COL18A1: variants seen among roughly 807,000 people sequenced by gnomAD.
COL18A1 encodes collagen alpha-1(XVIII) chain.
A neutral mutation model predicts 168.0 loss-of-function variants in COL18A1; 133 were observed. The ratio of observed to expected loss-of-function variants is 0.79; its 90% CI spans 0.69 to 0.91. COL18A1 has a LOEUF of 0.91. Ranked by LOEUF, COL18A1 falls within the 40% of genes least tolerant of loss-of-function variation. The pLI is 0.00. For synonymous variants in COL18A1, 949 were observed against 809.0 expected, an observed-to-expected ratio of 1.17 and a Z score of -2.94; for missense variants, 2,126 against 1,925.4, an observed-to-expected ratio of 1.10 and a Z score of -1.95.
intron 9 of COL18A1, 109 bp downstream of exon 9, chr21:45,478,462 G>A: frequency 1.4e-6 from 2 of 1,435,818 alleles, no homozygotes; most frequent in South Asian, 2.3e-5. Flanking sequence ...TGAGGAGACT[G>A]TACAGCAAAA....
intron 34 of COL18A1, among the ~76,000 whole-genome samples, 168 bp from the exon 35 acceptor site, chr21:45,504,966 G>A (rs2037103095): frequency 6.6e-6 from 1 of 152,082 alleles, no homozygotes; most frequent in Admixed American, 6.5e-5. Flanking sequence ...AGGGAAGAAG[G>A]GGTGATGGTG....
intron 2 of COL18A1, among the ~76,000 whole-genome samples, chr21:45,458,046 A>G (rs1031185610): frequency 7.4e-6 from 1 of 135,044 alleles, no homozygotes; most frequent in African/African-American, 2.7e-5. Flanking sequence ...GGCAGGGACA[A>G]GTGCTGACAA....
intron 2 of COL18A1, among the ~76,000 whole-genome samples, chr21:45,419,225 C>T (rs1189401376): frequency 2.0e-5 from 3 of 151,178 alleles, no homozygotes; most frequent in Admixed American, 2.0e-4. Context: ...ACGTGCAGTT[C>T]CGTGTAGTGA....
At chr21:45,459,705 G>A (rs2034977664) in intron 2 of COL18A1, among the ~76,000 whole-genome samples, 1 of 152,182 alleles carries the variant, frequency 6.6e-6, no homozygotes, top group Admixed American at 6.5e-5. Context: ...GGAAGGGAGT[G>A]AGGCCCCCTC....
rs1012686112 is a variant in COL18A1 at position 45,480,289 on chromosome 21, G to A, written c.1398+133G>A. 2.2e-5 allele frequency: 27 copies of A among 1,234,426 alleles called. No individual in the cohort carries two copies. In the Admixed American group the frequency reaches 4.3e-4, roughly 20 times the overall value. The allele number at this position is 1,234,426 out of a possible 1,614,324, so 76.5% of individuals were successfully genotyped here. On this transcript the variant is annotated intron_variant, in intron 11 of 41. Transcript: ENST00000651438. ...TCTTGGCTGAGCTGAGGGGTCACAG[G>A]TGTGGTGGGAGCCCCCATCCACCTG...
chr21:45,479,940 G>A lies in COL18A1; in HGVS notation c.1287G>A (p.Gly429=). 1 of 1,613,854 alleles carries A rather than the reference G, an allele frequency of 6.2e-7. No homozygotes were observed. The highest frequency in any genetic ancestry group is 1.1e-5 in the South Asian group (1 of 91,080). The part of the protein sequence containing the change: ...TGPQGFPGTP[G]DVGPKGDKGD... ...CACAAGGCTTCCCCGGGACTCCAGG[G>A]GACGTAGGTCCCAAGGGCGACAAGG... The change falls in exon 10 of 42, where the codon GGG becomes GGA. Residue 429 remains glycine, a synonymous_variant. Transcript: ENST00000651438.
intron 29 of COL18A1, 126 bp from the exon 30 acceptor site, chr21:45,496,374 T>C (rs2036544344): frequency 1.3e-6 from 1 of 761,938 alleles, no homozygotes; most frequent in Non-Finnish European, 2.4e-6. Flanking sequence ...GCATTCTCGG[T>C]TTTGCCTGGT....
chr21:45,455,498 C>T, intron 2 of COL18A1: 2 of 1,609,378 alleles, frequency 1.2e-6, no homozygotes, highest in Non-Finnish European at 1.7e-6. Flanking sequence ...CAGAGGCCCT[C>T]CCGCCGCCCG....
intron 2 of COL18A1, among the ~76,000 whole-genome samples, chr21:45,437,391 C>A (rs111167514): frequency 1.6e-5 from 2 of 124,162 alleles, no homozygotes; most frequent in Non-Finnish European, 3.3e-5. Flanking sequence ...CAGGCACTCT[C>A]CTGCACACAC....
chr21:45,422,124 C>T (rs776375153), intron 2 of COL18A1, among the ~76,000 whole-genome samples: 1 of 152,152 alleles, frequency 6.6e-6, no homozygotes, highest in Non-Finnish European at 1.5e-5. Flanking sequence ...CACACACAGG[C>T]TCACACATAC....
In COL18A1 at chr21:45,506,872, A is replaced by T. The variant is rs556795729; in HGVS notation, c.3217-689A>T. The T allele has an allele frequency of 1.6e-4, 30 of 188,734 alleles. No individual in the cohort carries two copies. In the South Asian group the frequency reaches 3.0e-3, roughly 19 times the overall value. The allele number at this position is 188,734 out of a possible 1,614,324, so 11.7% of individuals were successfully genotyped here. A position where few individuals can be genotyped will look rare whatever the true frequency, so the allele number is the denominator to read the frequency against. ...GCCTGGCCAGCCCCTGCAGCACCCC[A>T]GACAGTGAATCCCACTCCAGTCCCT... On this transcript the variant is annotated intron_variant, in intron 37 of 41. Coordinates refer to ENST00000651438, the MANE Select transcript of COL18A1 (RefSeq NM_001379500.1).
chr21:45,482,670 A>C, intron 14 of COL18A1, 125 bp from the exon 15 acceptor site: 1 of 1,423,008 alleles, frequency 7.0e-7, no homozygotes, highest in Admixed American at 1.8e-5. Context: ...AGAAACTATT[A>C]AACCGGCACA....
intron 13 of COL18A1, among the ~76,000 whole-genome samples, chr21:45,481,747 C>T (rs747904303): frequency 2.0e-5 from 3 of 152,258 alleles, no homozygotes; most frequent in African/African-American, 7.2e-5. Flanking sequence ...GTGGTGCTGT[C>T]GGCTCTGCCA....
intron 39 of COL18A1, 89 bp downstream of exon 39, chr21:45,509,690 G>A: frequency 6.1e-6 from 5 of 816,662 alleles, no homozygotes; most frequent in Non-Finnish European, 1.0e-5. Flanking sequence ...GAGCTGCTGG[G>A]GGTCCCAGGC....
intron 9 of COL18A1, among the ~76,000 whole-genome samples, chr21:45,479,582 C>T (rs2035819514): frequency 6.8e-6 from 1 of 146,804 alleles, no homozygotes; most frequent in Non-Finnish European, 1.5e-5. Flanking sequence ...CCACACTCCT[C>T]ACACACACAC....
chr21:45,446,742 A>G (rs757321957), intron 2 of COL18A1, among the ~76,000 whole-genome samples: 15 of 152,366 alleles, frequency 9.8e-5, no homozygotes, highest in Non-Finnish European at 1.6e-4. Context: ...AATTATGGAC[A>G]CAGAAATCCT....
In COL18A1 at chr21:45,503,450, G is replaced by A. The variant is rs554245082; in HGVS notation, c.2684-561G>A. 4.5e-4 allele frequency among the ~76,000 whole-genome samples: 69 copies of A among 151,894 alleles called. 1 individual carries two copies. The highest frequency in any genetic ancestry group is 3.5e-3 in the Admixed American group (54 of 15,272). ...GCACATATACACCATGGAATACTAC[G>A]CAGCCATAAAAAATGATGAGTTCAT... On this transcript the variant is annotated intron_variant, in intron 32 of 41. Coordinates refer to ENST00000651438, the MANE Select transcript of COL18A1 (RefSeq NM_001379500.1).
At chr21:45,428,061 G>A (rs577592921) in intron 2 of COL18A1, among the ~76,000 whole-genome samples, 3 of 152,176 alleles carry the variant, frequency 2.0e-5, no homozygotes, top group East Asian at 1.9e-4. Context: ...AAGGCCCGTC[G>A]GCACCACCTC....
intron 32 of COL18A1, among the ~76,000 whole-genome samples, chr21:45,503,648 A>C (rs1477953810): frequency 1.8e-5 from 1 of 56,318 alleles, no homozygotes; most frequent in Non-Finnish European, 3.2e-5. Context: ...GGGTGGGGGG[A>C]GGGGGGAGGG....
Sources: allele counts gnomAD v4.1 joint callset (sites outside exome capture counted in the v4.1 genomes callset), GRCh38; gene constraint gnomAD v4.1.1; transcripts MANE v1.5; gene names NCBI Gene and HGNC (gene_info 2026-07-23, HGNC 2026-07-21).